The following MTRF1 variants were observed in gnomAD, a reference collection of about 807,000 sequenced individuals.
MTRF1 encodes the protein peptide chain release factor 1, mitochondrial.
A neutral mutation model predicts 62.9 loss-of-function variants in MTRF1; 51 were observed. That is an observed-to-expected ratio of 0.81 (90% CI 0.65 to 1.02). MTRF1 has a LOEUF of 1.02. Ranked by LOEUF, MTRF1 falls within the 50% of genes least tolerant of loss-of-function variation. MTRF1 has a pLI of 0.00. For synonymous variants in MTRF1, 158 were observed against 181.9 expected (o/e 0.87, Z 1.06); for missense variants, 446 against 530.0 (o/e 0.84, Z 1.56).
intron 1 of MTRF1, chr13:41,261,183 A>C: frequency 4.0e-6 from 1 of 252,128 alleles, no homozygotes; most frequent in South Asian, 7.4e-5. Context: ...AAAATACAAA[A>C]ATTATCCGGG....
At chr13:41,294,671 T>A in the MTRF1 span, among the ~76,000 whole-genome samples, 2 of 152,130 alleles carry the variant, frequency 1.3e-5, no homozygotes, top group African/African-American at 4.8e-5. Flanking sequence ...ATTTGTGTCC[T>A]AAGGTAAAAT....
chr13:41,260,682 G>A lies in MTRF1; in HGVS notation c.226C>T (p.Gln76Ter). ...TTACTCAGGTTCTCCATATATTTCT[G>A]TAGTGCTTTATGCTTCCAGAGCATC... ...TKMLWKHKALQKYMENLSKEY... is the reference protein window; with the variant it reads ...TKMLWKHKAL Residue 76 changes from glutamine (Q) to a stop codon, truncating the protein, a stop_gained, in exon 2 of 10, where the codon CAG (glutamine) becomes TAG (stop). Transcript: ENST00000379480. LOFTEE classifies it high-confidence loss of function. 2 of 1,614,154 alleles carry A rather than the reference G, an allele frequency of 1.2e-6. No homozygotes were observed. Among genetic ancestry groups the A allele is most frequent in the Non-Finnish European group, 1.7e-6 (2 of 1,180,024 alleles).
chr13:41,280,253 C>T, the MTRF1 span, among the ~76,000 whole-genome samples: 1 of 152,120 alleles, frequency 6.6e-6, no homozygotes, highest in African/African-American at 2.4e-5. Context: ...TTTATCTTAA[C>T]CTAAACTTTC....
chr13:41,221,614 A>T (rs1185035727), intron 9 of MTRF1, among the ~76,000 whole-genome samples: 5 of 152,148 alleles, frequency 3.3e-5, no homozygotes, highest in Non-Finnish European at 5.9e-5. Flanking sequence ...AGAGCTTACC[A>T]GTGTTATTTT....
intron 3 of MTRF1, among the ~76,000 whole-genome samples, chr13:41,253,879 A>C (rs1372001047): frequency 6.6e-6 from 1 of 152,238 alleles, no homozygotes; most frequent in Non-Finnish European, 1.5e-5. Context: ...CAGAGTAAGA[A>C]ACACTGAAGG....
intron 9 of MTRF1, among the ~76,000 whole-genome samples, chr13:41,220,086 G>T (rs1490248102): frequency 6.6e-6 from 1 of 151,112 alleles, no homozygotes; most frequent in Non-Finnish European, 1.5e-5. Context: ...CCAGCACTTT[G>T]GGAGGCCAAG....
intron 6 of MTRF1, among the ~76,000 whole-genome samples, chr13:41,234,535 A>G (rs561835102): frequency 1.2e-4 from 18 of 152,268 alleles, no homozygotes; most frequent in South Asian, 8.3e-4. Flanking sequence ...TGAGTTTTCA[A>G]TCTTTCAAAA....
intron 9 of MTRF1, among the ~76,000 whole-genome samples, chr13:41,219,780 C>T (rs1174402820): frequency 3.3e-5 from 5 of 152,102 alleles, no homozygotes; most frequent in Non-Finnish European, 7.4e-5. Context: ...AGGCAGATCA[C>T]TTGAGGTCGG....
intron 6 of MTRF1, among the ~76,000 whole-genome samples, chr13:41,237,974 A>G (rs866662246): frequency 2.6e-5 from 4 of 152,228 alleles, no homozygotes; most frequent in African/African-American, 7.2e-5. Context: ...ATATTAACGG[A>G]GAGATGTAAA....
chr13:41,311,550 C>T, the MTRF1 span: 3 of 1,608,150 alleles, frequency 1.9e-6, no homozygotes, highest in Middle Eastern at 1.7e-4. Context: ...GCTGCTGCCG[C>T]CCAAGGAGAG....
At chr13:41,269,198 G>GTTTTTTTTTTTTTTTT in the MTRF1 span, among the ~76,000 whole-genome samples, 1 of 50,552 alleles carries the variant, frequency 2.0e-5, no homozygotes, top group Non-Finnish European at 4.5e-5. Context: ...TTTTTTTTTT[G>GTTTTTTTTTTTTTTTT]GTTTTTTTTT....
At chr13:41,267,863 G>A (rs1351803837), upstream of MTRF1, among the ~76,000 whole-genome samples, 2 of 149,570 alleles carry the variant, frequency 1.3e-5, no homozygotes, top group African/African-American at 2.5e-5. Flanking sequence ...AGAAACTGTT[G>A]AAAAAAAAAA....
At chr13:41,311,756 G>T in the MTRF1 span, among the ~76,000 whole-genome samples, 1 of 152,202 alleles carries the variant, frequency 6.6e-6, no homozygotes, top group African/African-American at 2.4e-5. Flanking sequence ...GCCCACGGGG[G>T]CTGCCGAGCC....
intron 2 of MTRF1, among the ~76,000 whole-genome samples, chr13:41,259,719 A>C (rs1313065178): frequency 6.7e-5 from 4 of 59,694 alleles, no homozygotes; most frequent in African/African-American, 8.9e-5. Context: ...AAAAAAAAAA[A>C]AACATAAAAA....
At chr13:41,265,039 G>A (rs2040796556), upstream of MTRF1, among the ~76,000 whole-genome samples, 1 of 152,172 alleles carries the variant, frequency 6.6e-6, no homozygotes, top group Non-Finnish European at 1.5e-5. Flanking sequence ...ATTCTCCTAA[G>A]TTATCCAAAA....
intron 7 of MTRF1, among the ~76,000 whole-genome samples, chr13:41,227,999 T>C (rs900246666): frequency 6.6e-6 from 1 of 152,194 alleles, no homozygotes; most frequent in Non-Finnish European, 1.5e-5. Context: ...TATGAACATT[T>C]CCATTTTAAG....
rs910933820 is a variant in MTRF1 at position 41,216,832 on chromosome 13, A to G, written c.*283T>C. The G allele has an allele frequency of 1.7e-4, 32 of 193,654 alleles. No individual in the cohort carries two copies. Among genetic ancestry groups the G allele is most frequent in the South Asian group, 1.1e-3 (6 of 5,442 alleles). The allele number at this position is 193,654 out of a possible 1,614,324, so 12.0% of individuals were successfully genotyped here. A position where few individuals can be genotyped will look rare whatever the true frequency, so the allele number is the denominator to read the frequency against. ...GGGAAAAAAGGCATATAAAGAGAAC[A>G]AGTGACTTGTCCTAAATGACACAAT... On this transcript the variant is annotated 3_prime_UTR_variant, in exon 10 of 10. Coordinates refer to ENST00000379480, the MANE Select transcript of MTRF1 (RefSeq NM_004294.4).
At chr13:41,263,625 C>T (rs953110971), upstream of MTRF1, 1 of 176,822 alleles carries the variant, frequency 5.7e-6, no homozygotes, top group South Asian at 1.1e-4. Context: ...CTCCCGGCCC[C>T]TCCTCCGCCA....
chr13:41,281,575 T>C, the MTRF1 span, among the ~76,000 whole-genome samples: 1 of 152,230 alleles, frequency 6.6e-6, no homozygotes, highest in African/African-American at 2.4e-5. Flanking sequence ...ATCTATATCT[T>C]ATGCTGATAG....
Sources: gnomAD v4.1 joint callset for allele counts (sites outside exome capture counted in the v4.1 genomes callset) on GRCh38, gnomAD v4.1.1 for gene constraint, MANE v1.5 for transcripts, NCBI Gene and HGNC (gene_info 2026-07-23, HGNC 2026-07-21) for gene names.